FAT3: variants seen among roughly 807,000 people sequenced by gnomAD.
FAT3 encodes protocadherin Fat 3.
A neutral mutation model predicts 310.2 loss-of-function variants in FAT3; 95 were observed. That is an observed-to-expected ratio of 0.31 (90% CI 0.26 to 0.36). FAT3 has a LOEUF of 0.36. Among genes scored for constraint, FAT3 ranks in the 10% least tolerant of loss-of-function variants. FAT3 has a pLI of 1.00. For synonymous variants in FAT3, 2,314 were observed against 2,192.9 expected (o/e 1.06, Z -1.54); for missense variants, 5,408 against 5,715.6 (o/e 0.95, Z 1.74).
chr11:92,866,690 A>T (rs1462977620), intron 21 of FAT3, 51 bp from the exon 22 acceptor site: 1 of 1,531,058 alleles, frequency 6.5e-7, no homozygotes, highest in African/African-American at 1.4e-5. Context: ...TGTAGGGAAC[A>T]TATTCCCAGT....
intron 2 of FAT3, among the ~76,000 whole-genome samples, chr11:92,394,234 C>A (rs60978627): frequency 0.027 from 4,043 of 152,172 alleles, 198 homozygotes; most frequent in African/African-American, 0.093. Context: ...TTTGGGAGGC[C>A]AATGCAGGCA....
intron 7 of FAT3, among the ~76,000 whole-genome samples, chr11:92,788,063 T>C (rs1237440919): frequency 6.6e-6 from 1 of 152,116 alleles, no homozygotes; most frequent in East Asian, 1.9e-4. Flanking sequence ...TAGCAGCGGA[T>C]CATGGTCTCT....
chr11:92,627,967 G>C (rs1349920721), intron 3 of FAT3, among the ~76,000 whole-genome samples: 1 of 152,186 alleles, frequency 6.6e-6, no homozygotes, highest in Non-Finnish European at 1.5e-5. Flanking sequence ...GTCTGAGTCA[G>C]AGCTTGACAC....
At position 92,296,156 on chromosome 11, in the gene FAT3, C is replaced by T. The variant is rs527309455; in HGVS notation, c.-17-55940C>T. ...GGACCCACAGTCTTTATGCTTCCCC[C>T]GAGGGTTAAAAATCTCAGAATTCCA... On this transcript the variant is annotated intron_variant, in intron 1 of 27. Transcript: ENST00000525166. 1.8e-4 allele frequency among the ~76,000 whole-genome samples: 27 copies of T among 152,202 alleles called. No homozygotes were observed. In the South Asian group the frequency reaches 5.0e-3, roughly 28 times the overall value.
At chr11:92,776,240 T>C (rs1946594853) in intron 7 of FAT3, among the ~76,000 whole-genome samples, 1 of 152,202 alleles carries the variant, frequency 6.6e-6, no homozygotes, top group Non-Finnish European at 1.5e-5. Flanking sequence ...ATTTTAAAAA[T>C]TGAATATTTT....
intron 2 of FAT3, among the ~76,000 whole-genome samples, chr11:92,369,224 G>A (rs1009717924): frequency 1.3e-5 from 2 of 152,140 alleles, no homozygotes; most frequent in African/African-American, 4.8e-5. Context: ...CCTCCCTGGG[G>A]CTTGGAAGTG....
chr11:92,861,197 C>T (rs1192263390), intron 21 of FAT3, among the ~76,000 whole-genome samples: 1 of 152,226 alleles, frequency 6.6e-6, no homozygotes, highest in Admixed American at 6.5e-5. Flanking sequence ...GAGCTACCAG[C>T]TCTTAGGGCT....
chr11:92,851,257 G>C (rs1206079644), intron 19 of FAT3, among the ~76,000 whole-genome samples: 1 of 152,200 alleles, frequency 6.6e-6, no homozygotes, highest in Non-Finnish European at 1.5e-5. Context: ...TCAGGTCTCT[G>C]CCATGTTGCT....
intron 4 of FAT3, among the ~76,000 whole-genome samples, chr11:92,725,057 A>C (rs907704388): frequency 2.2e-4 from 34 of 152,194 alleles, no homozygotes; most frequent in Admixed American, 6.5e-4. Context: ...GGAAAAAAAA[A>C]CCCTAAATCC....
intron 4 of FAT3, among the ~76,000 whole-genome samples, chr11:92,720,173 G>T (rs548812327): frequency 5.8e-4 from 88 of 152,248 alleles, no homozygotes; most frequent in African/African-American, 1.9e-3. Context: ...TAGAGTAAGA[G>T]GTTGATTTTC....
chr11:92,667,653 T>C (rs974726937), intron 3 of FAT3, among the ~76,000 whole-genome samples: 4 of 152,202 alleles, frequency 2.6e-5, no homozygotes, highest in Admixed American at 2.6e-4. Flanking sequence ...TGGCTCTTGC[T>C]GGGTCACTGA....
intron 4 of FAT3, among the ~76,000 whole-genome samples, chr11:92,706,071 G>C (rs981104842): frequency 2.0e-5 from 3 of 151,180 alleles, no homozygotes; most frequent in Non-Finnish European, 3.0e-5. Context: ...TGGTAGTGAC[G>C]ACTGTGATGG....
At chr11:92,438,851 A>G (rs1951005847) in intron 2 of FAT3, among the ~76,000 whole-genome samples, 1 of 152,172 alleles carries the variant, frequency 6.6e-6, no homozygotes, top group Non-Finnish European at 1.5e-5. Context: ...AAGTAACTGG[A>G]TTTAAAAGTT....
chr11:92,335,133 G>A (rs1017551640), intron 1 of FAT3, among the ~76,000 whole-genome samples: 8 of 151,376 alleles, frequency 5.3e-5, no homozygotes, highest in Non-Finnish European at 1.0e-4. Flanking sequence ...GGAGTTACCT[G>A]TAGTCCATTT....
intron 6 of FAT3, among the ~76,000 whole-genome samples, chr11:92,769,538 C>G (rs1046572742): frequency 2.0e-4 from 31 of 152,304 alleles, no homozygotes; most frequent in Non-Finnish European, 1.2e-4. Flanking sequence ...GAGAAGGCCA[C>G]CTTTATTACA....
At position 92,494,381 on chromosome 11, in the gene FAT3, G is replaced by T. The variant is rs551219108; in HGVS notation, c.3293-30253G>T. ...AGTCACTCAATAAAATATCATTATT[G>T]TTAATTTTGGAATGGAGGATGTACA... On this transcript the variant is annotated intron_variant, in intron 2 of 27. Transcript: ENST00000525166. Among the ~76,000 whole-genome samples, 4 of 152,094 alleles carry T rather than the reference G, an allele frequency of 2.6e-5. No individual in the cohort carries two copies. In the East Asian group the frequency reaches 7.8e-4, roughly 30 times the overall value.
chr11:92,630,408 G>A (rs1218714220), intron 3 of FAT3, among the ~76,000 whole-genome samples: 1 of 152,094 alleles, frequency 6.6e-6, no homozygotes, highest in Non-Finnish European at 1.5e-5. Flanking sequence ...TCTGTTGATG[G>A]CACCCACAGG....
At chr11:92,370,792 A>C (rs1209577649) in intron 2 of FAT3, among the ~76,000 whole-genome samples, 2 of 152,206 alleles carry the variant, frequency 1.3e-5, no homozygotes, top group Admixed American at 6.5e-5. Flanking sequence ...GTAGGTGCTC[A>C]AGGGTGATTA....
chr11:92,389,886 T>C (rs1949708740), intron 2 of FAT3, among the ~76,000 whole-genome samples: 1 of 152,126 alleles, frequency 6.6e-6, no homozygotes, highest in African/African-American at 2.4e-5. Context: ...TACCCCGTCT[T>C]ATGTATGGTC....
Sources: allele counts gnomAD v4.1 joint callset (sites outside exome capture counted in the v4.1 genomes callset), GRCh38; gene constraint gnomAD v4.1.1; transcripts MANE v1.5; gene names NCBI Gene and HGNC (gene_info 2026-07-23, HGNC 2026-07-21).